The following C14orf119 variants were observed in gnomAD, a reference collection of about 807,000 sequenced individuals.
The protein encoded by C14orf119 is uncharacterized protein C14orf119.
C14orf119 carries 17 observed loss-of-function variants against 13.5 expected under a neutral mutation model. That is an observed-to-expected ratio of 1.26 (90% CI 0.86 to 1.88). The LOEUF is 1.88. C14orf119 is among the 40% of genes most tolerant of loss of function. The probability of loss-of-function intolerance (pLI) is 0.00; values close to 1 mark genes in which losing one functional copy is unlikely to be tolerated. For synonymous variants in C14orf119, 61 were observed against 61.9 expected, an observed-to-expected ratio of 0.99 and a Z score of 0.07; for missense variants, 162 against 165.9, an observed-to-expected ratio of 0.98 and a Z score of 0.13.
chr14:23,097,809 G>C lies in C14orf119; in HGVS notation c.151G>C (p.Gly51Arg). 10 of 1,614,184 alleles carry C rather than the reference G, an allele frequency of 6.2e-6. No homozygotes were observed. The highest frequency in any genetic ancestry group is 8.5e-6 in the Non-Finnish European group (10 of 1,180,036). The part of the protein sequence containing the change: ...CILHWFANWS[G>R]PQRERFLEDL... ...TCTTCACTGGTTTGCCAATTGGTCAGGTCCCCAGCGTGAACGTTTCCTAGA... is the reference window on the plus strand; with the variant it reads ...TCTTCACTGGTTTGCCAATTGGTCACGTCCCCAGCGTGAACGTTTCCTAGA... The change falls in exon 2 of 2, where the codon GGT becomes CGT. Residue 51 changes from glycine (G) to arginine (R), a missense_variant. Gly to Arg is a moderately radical substitution (Grantham distance 125). Transcript: ENST00000319074.
rs1004137213 is a variant in C14orf119 at position 23,099,548 on chromosome 14, C to T, written c.*1467C>T. ...TAATGCCTAGCCTTAGTAGATAAAG[C>T]GGCATTACCTTTTTTTTTTTTTTTT... is the stretch of plus-strand genomic sequence containing the variant. On this transcript the variant is annotated 3_prime_UTR_variant, in exon 2 of 2. Transcript: ENST00000319074. The T allele has an allele frequency of 1.6e-5, 6 of 383,042 alleles. No homozygotes were observed. Among genetic ancestry groups the T allele is most frequent in the East Asian group, 3.8e-5 (1 of 26,010 alleles). The allele number at this position is 383,042 out of a possible 1,614,324, so 23.7% of individuals were successfully genotyped here.
In C14orf119 at chr14:23,098,593, AAAATC is replaced by A. The variant is rs2048404946; in HGVS notation, c.*514_*518del. On this transcript the variant is annotated 3_prime_UTR_variant, in exon 2 of 2. Transcript: ENST00000319074. The stretch of plus-strand genomic sequence containing the variant: ...CAGTGATGATTTAATAAAATTATGA[AAAATC>A]AGGAGAGGGAGATAATTAGTTGCTT... 1 of 171,238 alleles carries A rather than the reference AAAATC, an allele frequency of 5.8e-6. No homozygotes were observed. The highest frequency in any genetic ancestry group is 1.4e-5 in the Non-Finnish European group (1 of 70,422). The allele number at this position is 171,238 out of a possible 1,614,324, so 10.6% of individuals were successfully genotyped here.
At position 23,099,339 on chromosome 14, in the gene C14orf119, G is replaced by T; in HGVS notation, c.*1258G>T. The T allele has an allele frequency of 2.4e-6, 1 of 413,438 alleles. No individual in the cohort carries two copies. 25.6% of individuals were successfully genotyped at this position (413,438 alleles called of 1,614,324 possible). On this transcript the variant is annotated 3_prime_UTR_variant, in exon 2 of 2. Transcript: ENST00000319074. ...TTGTGCTGTGGAGCTCTGGTGAATG[G>T]TAAGAGGCAGATGGTCTCACAGGAA... is the stretch of plus-strand genomic sequence containing the variant.
chr14:23,096,469 A>T (rs1297885454), intron 1 of C14orf119, among the ~76,000 whole-genome samples: 1 of 135,316 alleles, frequency 7.4e-6, no homozygotes, highest in Non-Finnish European at 1.5e-5. Flanking sequence ...AGATCACGCC[A>T]TTGCACTACA....
chr14:23,099,615 A>C lies in C14orf119; in HGVS notation c.*1534A>C, dbSNP rs1033431351. The C allele has an allele frequency of 2.6e-6, 1 of 378,166 alleles. No individual in the cohort carries two copies. The highest frequency in any genetic ancestry group is 3.7e-5 in the East Asian group (1 of 26,736). 23.4% of individuals were successfully genotyped at this position (378,166 alleles called of 1,614,324 possible). A position where few individuals can be genotyped will look rare whatever the true frequency, so the allele number is the denominator to read the frequency against. Reference sequence around the variant, plus strand: ...TGGTCTGTTGCCCAGGCTGGAGTGCAGTGGTGTGATCTTGGCTCACCGTAA... The same window carrying C: ...TGGTCTGTTGCCCAGGCTGGAGTGCCGTGGTGTGATCTTGGCTCACCGTAA... On this transcript the variant is annotated 3_prime_UTR_variant, in exon 2 of 2. Coordinates refer to ENST00000319074, the MANE Select transcript of C14orf119 (RefSeq NM_017924.4).
In C14orf119 at chr14:23,098,185, C is replaced by A; in HGVS notation, c.*104C>A. ...CGCCTAAAGCTCTGGAACTGGTATT[C>A]CAACCAGCTGACCGAACTCACTGAC... On this transcript the variant is annotated 3_prime_UTR_variant, in exon 2 of 2. Coordinates refer to ENST00000319074, the MANE Select transcript of C14orf119 (RefSeq NM_017924.4). 1 of 1,295,706 alleles carries A rather than the reference C, an allele frequency of 7.7e-7. No individual in the cohort carries two copies. The highest frequency in any genetic ancestry group is 1.1e-6 in the Non-Finnish European group (1 of 930,544). The allele number at this position is 1,295,706 out of a possible 1,614,324, so 80.3% of individuals were successfully genotyped here. A position where few individuals can be genotyped will look rare whatever the true frequency, so the allele number is the denominator to read the frequency against.
chr14:23,096,754 T>A (rs1018809271), intron 1 of C14orf119, among the ~76,000 whole-genome samples: 2 of 151,838 alleles, frequency 1.3e-5, no homozygotes, highest in Non-Finnish European at 1.5e-5. Flanking sequence ...TTTTTTTATT[T>A]TTTGTAGGGA....
intron 1 of C14orf119, 23 bp from the exon 2 acceptor site, chr14:23,097,634 TA>T (rs1292681278): frequency 6.2e-7 from 1 of 1,606,652 alleles, no homozygotes; most frequent in East Asian, 2.2e-5. Flanking sequence ...CTGGAGAGCA[TA>T]TAACAGTGCT....
In C14orf119 at chr14:23,099,684, C is replaced by T. The variant is rs138961050; in HGVS notation, c.*1603C>T. 1,998 of 359,178 alleles carry T rather than the reference C, an allele frequency of 5.6e-3. 43 individuals carry two copies. Among genetic ancestry groups the T allele is most frequent in the African/African-American group, 0.038 (1,794 of 47,530 alleles). 22.2% of individuals were successfully genotyped at this position (359,178 alleles called of 1,614,324 possible). On this transcript the variant is annotated 3_prime_UTR_variant, in exon 2 of 2. Coordinates refer to ENST00000319074, the MANE Select transcript of C14orf119 (RefSeq NM_017924.4). Reference sequence around the variant, plus strand: ...AAGCAATTCTCCTGCCTCAACCTTCCGAATAGCTGGGACTACAGGCGCACG... The same window carrying T: ...AAGCAATTCTCCTGCCTCAACCTTCTGAATAGCTGGGACTACAGGCGCACG...
rs2048412178 is a variant in C14orf119 at position 23,099,445 on chromosome 14, C to T, written c.*1364C>T. 2.4e-6 allele frequency: 1 copy of T among 413,426 alleles called. No homozygotes were observed. The highest frequency in any genetic ancestry group is 3.6e-5 in the East Asian group (1 of 28,080). 25.6% of individuals were successfully genotyped at this position (413,426 alleles called of 1,614,324 possible). A position where few individuals can be genotyped will look rare whatever the true frequency, so the allele number is the denominator to read the frequency against. On this transcript the variant is annotated 3_prime_UTR_variant, in exon 2 of 2. Transcript: ENST00000319074. ...CATTAGGCAGAGTCCCATGGACAGC[C>T]TTAGGTGGGTCATGGAGGGATTATG... is the stretch of plus-strand genomic sequence containing the variant.
At chr14:23,097,281 A>C (rs948207823) in intron 1 of C14orf119, among the ~76,000 whole-genome samples, 1 of 152,248 alleles carries the variant, frequency 6.6e-6, no homozygotes, top group East Asian at 1.9e-4. Context: ...ATTTTGGAGA[A>C]GATGTAATGG....
intron 1 of C14orf119, among the ~76,000 whole-genome samples, chr14:23,096,742 A>C (rs569023190): frequency 7.3e-4 from 111 of 151,584 alleles, no homozygotes; most frequent in African/African-American, 2.5e-3. Context: ...ACGCTCAACT[A>C]ATTTTTTTAT....
chr14:23,097,048 C>T (rs1219314222), intron 1 of C14orf119, among the ~76,000 whole-genome samples: 1 of 152,258 alleles, frequency 6.6e-6, no homozygotes, highest in East Asian at 1.9e-4. Context: ...TGAGCAAGGT[C>T]CTTACTCTGC....
chr14:23,095,947 G>C (rs1282212893), intron 1 of C14orf119, among the ~76,000 whole-genome samples: 1 of 152,338 alleles, frequency 6.6e-6, no homozygotes, highest in African/African-American at 2.4e-5. Context: ...CTCCGCAGAA[G>C]AGAGTAAGTT....
Position 23,097,859 on chromosome 14 carries a change from A to G in C14orf119, c.201A>G (p.Pro67=). The change falls in exon 2 of 2, where the codon CCA becomes CCG. Residue 67 remains proline, a synonymous_variant. Coordinates refer to ENST00000319074, the MANE Select transcript of C14orf119 (RefSeq NM_017924.4). Reference sequence around the variant, plus strand: ...AGGACCTGGTAGCTAAGGCAGTGCCAGAAAAATTACAACCACTGCTGGATA... The same window carrying G: ...AGGACCTGGTAGCTAAGGCAGTGCCGGAAAAATTACAACCACTGCTGGATA... ...FLEDLVAKAV[P]EKLQPLLDSL... 2 of 1,614,252 alleles carry G rather than the reference A, an allele frequency of 1.2e-6. No individual in the cohort carries two copies. The highest frequency in any genetic ancestry group is 1.7e-6 in the Non-Finnish European group (2 of 1,180,034).
In C14orf119 at chr14:23,099,351, T is replaced by A. The variant is rs1017608489; in HGVS notation, c.*1270T>A. 7 of 413,372 alleles carry A rather than the reference T, an allele frequency of 1.7e-5. No individual in the cohort carries two copies. The East Asian group carries it at 2.5e-4, about 15-fold the overall frequency. 25.6% of individuals were successfully genotyped at this position (413,372 alleles called of 1,614,324 possible). On this transcript the variant is annotated 3_prime_UTR_variant, in exon 2 of 2. Coordinates refer to ENST00000319074, the MANE Select transcript of C14orf119 (RefSeq NM_017924.4). ...GCTCTGGTGAATGGTAAGAGGCAGATGGTCTCACAGGAAGAGTGGCTCTTT... is the reference window on the plus strand; with the variant it reads ...GCTCTGGTGAATGGTAAGAGGCAGAAGGTCTCACAGGAAGAGTGGCTCTTT...
In C14orf119 at chr14:23,097,639, C is replaced by A; in HGVS notation, c.-1-19C>A. The A allele has an allele frequency of 6.2e-7, 1 of 1,608,278 alleles. No homozygotes were observed. The highest frequency in any genetic ancestry group is 8.5e-7 in the Non-Finnish European group (1 of 1,175,090). ...GTTGCTCTACCTGGAGAGCATATAACAGTGCTTTTATGTTTCAGGATGCCA... is the reference window on the plus strand; with the variant it reads ...GTTGCTCTACCTGGAGAGCATATAAAAGTGCTTTTATGTTTCAGGATGCCA... On this transcript the variant is annotated intron_variant, in intron 1 of 1. Coordinates refer to ENST00000319074, the MANE Select transcript of C14orf119 (RefSeq NM_017924.4).
At chr14:23,095,847 C>G (rs890561055) in intron 1 of C14orf119, among the ~76,000 whole-genome samples, 6 of 152,108 alleles carry the variant, frequency 3.9e-5, no homozygotes, top group Non-Finnish European at 8.8e-5. Flanking sequence ...TGTCTTCGGA[C>G]CCAGACTATG....
In C14orf119 at chr14:23,098,851, C is replaced by T. The variant is rs1411055476; in HGVS notation, c.*770C>T. On this transcript the variant is annotated 3_prime_UTR_variant, in exon 2 of 2. Coordinates refer to ENST00000319074, the MANE Select transcript of C14orf119 (RefSeq NM_017924.4). ...TAATTTTTAAATTATTCTGTAGATA[C>T]AGGGGTCATGCTACGTTTTCTAGTC... The T allele has an allele frequency of 6.1e-6, 1 of 162,998 alleles. No individual in the cohort carries two copies. Among genetic ancestry groups the T allele is most frequent in the Admixed American group, 6.5e-5 (1 of 15,288 alleles). 10.1% of individuals were successfully genotyped at this position (162,998 alleles called of 1,614,324 possible).
Sources: allele counts gnomAD v4.1 joint callset (sites outside exome capture counted in the v4.1 genomes callset), GRCh38; gene constraint gnomAD v4.1.1; transcripts MANE v1.5; gene names NCBI Gene and HGNC (gene_info 2026-07-23, HGNC 2026-07-21).